TRPM3: variants seen among roughly 807,000 people sequenced by gnomAD.
TRPM3 encodes transient receptor potential cation channel subfamily M member 3.
Under a neutral mutation model 181.2 loss-of-function variants are expected in TRPM3, and 77 were observed. The ratio of observed to expected loss-of-function variants is 0.42; its 90% CI spans 0.35 to 0.51. The LOEUF (loss-of-function observed/expected upper bound fraction) is 0.51, where lower values mean the gene tolerates loss of function less well. Ranked by LOEUF, TRPM3 falls within the 20% of genes least tolerant of loss-of-function variation. TRPM3 has a pLI of 0.01. For synonymous variants in TRPM3, 745 were observed against 796.4 expected (o/e 0.94, Z 1.09); for missense variants, 1,759 against 2,196.7 (o/e 0.80, Z 3.98).
chr9:70,933,674 G>C (rs940983252), intron 1 of TRPM3, among the ~76,000 whole-genome samples: 19 of 152,070 alleles, frequency 1.2e-4, no homozygotes, highest in African/African-American at 4.6e-4. Context: ...TAGAGTCATA[G>C]CTGAAGGGGG....
At chr9:71,006,053 T>C (rs2097670132) in intron 1 of TRPM3, among the ~76,000 whole-genome samples, 1 of 152,120 alleles carries the variant, frequency 6.6e-6, no homozygotes, top group South Asian at 2.1e-4. Context: ...GGTATTAAAA[T>C]ATAAAATTTG....
At chr9:71,226,009 T>TAAAAAAAAAAAA in intron 1 of TRPM3, among the ~76,000 whole-genome samples, 2 of 34,706 alleles carry the variant, frequency 5.8e-5, no homozygotes, top group South Asian at 2.4e-3. Flanking sequence ...CAACAAAAGG[T>TAAAAAAAAAAAA]AAAAAAAAAA....
At chr9:71,390,041 G>C (rs1037592753) in intron 1 of TRPM3, among the ~76,000 whole-genome samples, 9 of 152,022 alleles carry the variant, frequency 5.9e-5, no homozygotes, top group African/African-American at 2.2e-4. Flanking sequence ...ACACATGTGT[G>C]CACACTCATA....
chr9:70,619,696 C>T (rs977069304), intron 16 of TRPM3, among the ~76,000 whole-genome samples: 3 of 151,932 alleles, frequency 2.0e-5, no homozygotes, highest in East Asian at 3.9e-4. Context: ...ATTACAGGCA[C>T]GAGTCACTGC....
chr9:70,685,172 C>T (rs2066441604), intron 8 of TRPM3, among the ~76,000 whole-genome samples: 1 of 151,740 alleles, frequency 6.6e-6, no homozygotes, highest in South Asian at 2.1e-4. Flanking sequence ...CAAATAAGAC[C>T]CAGTGTTGTT....
intron 1 of TRPM3, among the ~76,000 whole-genome samples, chr9:71,321,250 C>T (rs17617922): frequency 0.18 from 26,700 of 152,094 alleles, 2,646 homozygotes; most frequent in Middle Eastern, 0.32. Flanking sequence ...AATCTATCCA[C>T]CTTTTTTCAA....
At chr9:71,265,721 C>G (rs1165096403) in intron 1 of TRPM3, among the ~76,000 whole-genome samples, 1 of 152,180 alleles carries the variant, frequency 6.6e-6, no homozygotes, top group African/African-American at 2.4e-5. Context: ...AGGGAAAATA[C>G]CCTTAAAATT....
In TRPM3 at chr9:71,371,822, C is replaced by A. The variant is rs186607315; in HGVS notation, c.183+74831G>T. ...TCAATCATTTTGAAAAAAATTCATT[C>A]TTGTCTTTTGTTTTTGGTTTTTCTC... On this transcript the variant is annotated intron_variant, in intron 1 of 24. Transcript: ENST00000357533. Among the ~76,000 whole-genome samples the A allele has an allele frequency of 5.0e-3, 757 of 152,262 alleles. 3 individuals are homozygous for A. Among genetic ancestry groups the A allele is most frequent in the African/African-American group, 0.015 (626 of 41,554 alleles).
rs371087325 is a variant in TRPM3 at position 70,908,021 on chromosome 9, T to G, written c.178-43510A>C. 3.3e-5 allele frequency among the ~76,000 whole-genome samples: 5 copies of G among 152,266 alleles called. No homozygotes were observed. In the East Asian group the frequency reaches 9.6e-4, roughly 29 times the overall value. ...AATAGTGCTTCAATAAACATACTAG[T>G]GCAGGTATACTTTTGGGAGGACAAT... On this transcript the variant is annotated intron_variant, in intron 1 of 25. Transcript: ENST00000677713.
At chr9:71,437,596 C>T (rs552367347) in intron 1 of TRPM3, among the ~76,000 whole-genome samples, 3 of 152,136 alleles carry the variant, frequency 2.0e-5, no homozygotes, top group African/African-American at 7.2e-5. Flanking sequence ...ACCAGCCGGG[C>T]GTGGGGGCTC....
chr9:71,164,751 T>C (rs1031337325), intron 1 of TRPM3, among the ~76,000 whole-genome samples: 6 of 152,198 alleles, frequency 3.9e-5, no homozygotes, highest in Non-Finnish European at 2.9e-5. Context: ...ATAACCATTA[T>C]GTTTTGGAAT....
chr9:70,880,318 C>T (rs951945515), intron 1 of TRPM3, among the ~76,000 whole-genome samples: 1 of 152,016 alleles, frequency 6.6e-6, no homozygotes, highest in African/African-American at 2.4e-5. Context: ...ACATGTTATA[C>T]CTTCCCTTTG....
At chr9:71,050,382 A>T (rs2059931617) in intron 1 of TRPM3, among the ~76,000 whole-genome samples, 1 of 152,196 alleles carries the variant, frequency 6.6e-6, no homozygotes, top group South Asian at 2.1e-4. Context: ...TCTTTAACTA[A>T]GGCAGAGATA....
intron 1 of TRPM3, among the ~76,000 whole-genome samples, chr9:71,201,846 G>A (rs575837268): frequency 1.6e-4 from 25 of 152,280 alleles, no homozygotes; most frequent in East Asian, 3.9e-4. Flanking sequence ...GTCATTCTCC[G>A]TCCAGCTTTG....
intron 1 of TRPM3, among the ~76,000 whole-genome samples, chr9:71,113,616 C>T (rs2071634167): frequency 6.6e-6 from 1 of 152,186 alleles, no homozygotes; most frequent in African/African-American, 2.4e-5. Context: ...ATCGACTACA[C>T]ATTTTTGGTA....
chr9:70,914,190 C>G (rs969267409), intron 1 of TRPM3, among the ~76,000 whole-genome samples: 3 of 152,166 alleles, frequency 2.0e-5, no homozygotes, highest in Admixed American at 6.5e-5. Context: ...AGAGGCTTCA[C>G]ATAGCATTCA....
intron 1 of TRPM3, among the ~76,000 whole-genome samples, chr9:71,015,908 A>C (rs1479991492): frequency 6.6e-6 from 1 of 151,970 alleles, no homozygotes; most frequent in African/African-American, 2.4e-5. Flanking sequence ...AGGTAAAAAA[A>C]ATTCTAGGCC....
chr9:70,770,070 T>C (rs767526189), intron 7 of TRPM3, among the ~76,000 whole-genome samples: 3 of 151,878 alleles, frequency 2.0e-5, no homozygotes, highest in South Asian at 2.1e-4. Context: ...ATATTATTGG[T>C]CTCTATCTTT....
At chr9:70,892,626 A>AC (rs2096225099) in intron 1 of TRPM3, among the ~76,000 whole-genome samples, 1 of 151,536 alleles carries the variant, frequency 6.6e-6, no homozygotes, top group African/African-American at 2.4e-5. Flanking sequence ...AAAAAAAAAA[A>AC]ACTAGCCAAT....
Sources: allele counts gnomAD v4.1 joint callset (sites outside exome capture counted in the v4.1 genomes callset), GRCh38; gene constraint gnomAD v4.1.1; transcripts MANE v1.5; gene names NCBI Gene and HGNC (gene_info 2026-07-23, HGNC 2026-07-21).